SSH2: variants seen among roughly 807,000 people sequenced by gnomAD.
The protein encoded by SSH2 is protein phosphatase Slingshot homolog 2.
In SSH2, 37 loss-of-function variants were observed where a neutral mutation model predicts 135.2. The ratio of observed to expected loss-of-function variants is 0.27; its 90% CI spans 0.21 to 0.36. The LOEUF (loss-of-function observed/expected upper bound fraction) is 0.36. Among genes scored for constraint, SSH2 ranks in the 10% least tolerant of loss-of-function variants. SSH2 has a pLI of 1.00. For missense variants in SSH2, 1,408 were observed against 1,765.3 expected (o/e 0.80, Z 3.63); for synonymous variants, 628 against 646.2 (o/e 0.97, Z 0.43).
chr17:29,813,641 A>C (rs898530080), intron 2 of SSH2, among the ~76,000 whole-genome samples: 4 of 149,822 alleles, frequency 2.7e-5, no homozygotes, highest in African/African-American at 9.9e-5. Flanking sequence ...AACATGGTGA[A>C]ACCCCGTCTC....
intron 14 of SSH2, chr17:29,641,758 A>T (rs1439123916): frequency 6.6e-6 from 1 of 152,142 alleles, no homozygotes; most frequent in Non-Finnish European, 1.5e-5. Context: ...TCTTGCCTCC[A>T]CTTTCATATT....
intron 2 of SSH2, among the ~76,000 whole-genome samples, chr17:29,843,254 G>A (rs1040646964): frequency 6.6e-6 from 1 of 152,082 alleles, no homozygotes; most frequent in Admixed American, 6.6e-5. Context: ...ACTATAGCAG[G>A]CTGGGCGCGG....
chr17:29,761,808 T>C (rs1304388542), intron 3 of SSH2, among the ~76,000 whole-genome samples: 4 of 151,670 alleles, frequency 2.6e-5, no homozygotes, highest in Non-Finnish European at 5.9e-5. Context: ...ACTTCCTATG[T>C]GATTTGGAAA....
At position 29,756,091 on chromosome 17, in the gene SSH2, C is replaced by A. The variant is rs978579981; in HGVS notation, c.188+37803G>T. 2.5e-4 allele frequency among the ~76,000 whole-genome samples: 38 copies of A among 151,118 alleles called. No homozygotes were observed. In the East Asian group the frequency reaches 6.9e-3, roughly 27 times the overall value. On this transcript the variant is annotated intron_variant, in intron 3 of 15. Transcript: ENST00000540801. ...GACCAGCCTGACCAACATGGGGAAA[C>A]CCCGTCTCTACTAAAAAAAGAAAGA...
Position 29,636,089 on chromosome 17 carries a change from C to G in SSH2, c.2141G>C (p.Cys714Ser). 6.2e-7 allele frequency: 1 copy of G among 1,614,208 alleles called. No individual in the cohort carries two copies. Among genetic ancestry groups the G allele is most frequent in the South Asian group, 1.1e-5 (1 of 91,088 alleles). The change falls in exon 15 of 16, where the codon TGT (cysteine) becomes TCT (serine). Residue 714 changes from cysteine (C) to serine (S), a missense_variant. Coordinates refer to ENST00000540801, the MANE Select transcript of SSH2 (RefSeq NM_001282129.2). ...GGCTACTTCTACCACTGACAGTCGA[C>G]AGCTCTCATTCCTTCCTCCACCCAG... The part of the protein sequence containing the change: ...EELGGGRNES[C>S]RLSVVEVAPS...
At chr17:29,840,437 C>T (rs2043020333) in intron 2 of SSH2, among the ~76,000 whole-genome samples, 1 of 152,130 alleles carries the variant, frequency 6.6e-6, no homozygotes, top group African/African-American at 2.4e-5. Flanking sequence ...CAACTATGTG[C>T]AATTTACAAT....
chr17:29,761,403 G>C lies in SSH2; in HGVS notation c.188+32491C>G, dbSNP rs916212485. On this transcript the variant is annotated intron_variant, in intron 3 of 15. Coordinates refer to ENST00000540801, the MANE Select transcript of SSH2 (RefSeq NM_001282129.2). The stretch of plus-strand genomic sequence containing the variant: ...GGGTCGCGCGGAGGCAGCCGCCGAA[G>C]CCCCAGGGCTCGGCGGTAGAGTCCG... The C allele has an allele frequency of 4.7e-6, 5 of 1,061,218 alleles. No homozygotes were observed. In the African/African-American group the frequency reaches 8.7e-5, roughly 18 times the overall value. The allele number at this position is 1,061,218 out of a possible 1,614,324, so 65.7% of individuals were successfully genotyped here.
intron 14 of SSH2, among the ~76,000 whole-genome samples, chr17:29,637,674 CA>C: frequency 6.6e-6 from 1 of 151,632 alleles, no homozygotes; most frequent in South Asian, 2.1e-4. Flanking sequence ...CTTAGCTACT[CA>C]GGGGGCTGAG....
intron 2 of SSH2, among the ~76,000 whole-genome samples, chr17:29,810,628 C>T (rs1437550464): frequency 6.6e-6 from 1 of 152,172 alleles, no homozygotes; most frequent in Non-Finnish European, 1.5e-5. Flanking sequence ...TGAAATTCTA[C>T]CTTAATCATA....
intron 11 of SSH2, among the ~76,000 whole-genome samples, chr17:29,660,060 C>T (rs1189854280): frequency 6.6e-6 from 1 of 151,740 alleles, no homozygotes; most frequent in East Asian, 1.9e-4. Context: ...AATTTCCTGA[C>T]CTCGTGATCT....
chr17:29,686,055 T>A (rs148407746), intron 5 of SSH2, among the ~76,000 whole-genome samples: 13 of 151,766 alleles, frequency 8.6e-5, no homozygotes, highest in African/African-American at 3.1e-4. Context: ...TCCATGTTGG[T>A]CAGGCTGGTC....
intron 1 of SSH2, among the ~76,000 whole-genome samples, chr17:29,880,245 G>A (rs542692340): frequency 2.2e-4 from 33 of 152,262 alleles, no homozygotes; most frequent in South Asian, 6.2e-4. Context: ...TCAGTCTGCC[G>A]TGTAGCTAGG....
intron 3 of SSH2, among the ~76,000 whole-genome samples, chr17:29,726,857 T>C (rs1184572382): frequency 5.9e-5 from 9 of 152,222 alleles, no homozygotes; most frequent in Non-Finnish European, 5.9e-5. Flanking sequence ...TTGCCCAAAC[T>C]TTTCTCAAAA....
At chr17:29,898,327 C>T (rs1324944980) in intron 1 of SSH2, among the ~76,000 whole-genome samples, 2 of 151,882 alleles carry the variant, frequency 1.3e-5, no homozygotes, top group African/African-American at 2.4e-5. Context: ...TTCAAAAAAT[C>T]AATGAATCCA....
intron 1 of SSH2, among the ~76,000 whole-genome samples, chr17:29,891,556 T>C (rs1482209071): frequency 1.3e-5 from 2 of 151,260 alleles, no homozygotes; most frequent in East Asian, 1.9e-4. Flanking sequence ...AAATAAATTC[T>C]AAATTCTAAA....
At chr17:29,827,260 T>A (rs946552952) in intron 2 of SSH2, among the ~76,000 whole-genome samples, 1 of 152,206 alleles carries the variant, frequency 6.6e-6, no homozygotes, top group Non-Finnish European at 1.5e-5. Context: ...CTTGAGATGC[T>A]TATATAAATG....
rs2035617908 is a variant in SSH2, at chr17:29,630,434, G to A, written c.*407C>T. 6.4e-6 allele frequency: 1 copy of A among 155,152 alleles called. No individual in the cohort carries two copies. The highest frequency in any genetic ancestry group is 1.4e-5 in the Non-Finnish European group (1 of 70,172). The allele number at this position is 155,152 out of a possible 1,614,324, so 9.6% of individuals were successfully genotyped here. A position where few individuals can be genotyped will look rare whatever the true frequency, so the allele number is the denominator to read the frequency against. On this transcript the variant is annotated 3_prime_UTR_variant, in exon 16 of 16. Coordinates refer to ENST00000540801, the MANE Select transcript of SSH2 (RefSeq NM_001282129.2). ...AACCAAACCATCATCACAAAGGCAG[G>A]GGAACATCTCCAATCCCCAGCTTTA...
chr17:29,700,989 G>C (rs1300012891), intron 4 of SSH2, among the ~76,000 whole-genome samples: 1 of 149,322 alleles, frequency 6.7e-6, no homozygotes, highest in Admixed American at 6.7e-5. Context: ...CTTTTTTTTT[G>C]AGATGGAGTC....
At chr17:29,771,456 C>G (rs1440374130) in intron 3 of SSH2, among the ~76,000 whole-genome samples, 1 of 152,164 alleles carries the variant, frequency 6.6e-6, no homozygotes. Context: ...ACATTATGCT[C>G]TAGTAAATAT....
Sources: gnomAD v4.1 joint callset for allele counts (sites outside exome capture counted in the v4.1 genomes callset) on GRCh38, gnomAD v4.1.1 for gene constraint, MANE v1.5 for transcripts, NCBI Gene and HGNC (gene_info 2026-07-23, HGNC 2026-07-21) for gene names.